RBM44: variants seen among roughly 807,000 people sequenced by gnomAD.
The protein encoded by RBM44 is RNA-binding protein 44.
RBM44 carries 66 observed loss-of-function variants against 105.1 expected under a neutral mutation model. That is an observed-to-expected ratio of 0.63 (90% CI 0.52 to 0.77). RBM44 has a LOEUF of 0.77. RBM44 is among the 30% of genes least tolerant of loss of function. The pLI, the probability that RBM44 is intolerant of heterozygous loss-of-function variation, is 0.00. For missense variants in RBM44, 1,122 were observed against 1,207.8 expected, an observed-to-expected ratio of 0.93 and a Z score of 1.05; for synonymous variants, 365 against 417.6, an observed-to-expected ratio of 0.87 and a Z score of 1.54.
At chr2:237,820,859 G>A (rs891970958) in intron 5 of RBM44, 51 of 421,426 alleles carry the variant, frequency 1.2e-4, no homozygotes, top group Middle Eastern at 1.2e-3. Context: ...ACCAATGTGG[G>A]CAACATAATA....
rs549578171 is a variant in RBM44 at position 237,841,437 on chromosome 2, G to T, written c.*23-402G>T. Among the ~76,000 whole-genome samples the T allele has an allele frequency of 1.2e-4, 19 of 152,286 alleles. No homozygotes were observed. Among genetic ancestry groups the T allele is most frequent in the Admixed American group, 3.3e-4 (5 of 15,292 alleles). The stretch of plus-strand genomic sequence containing the variant: ...CTTAATGTTAGACGGTAGGAGGAGG[G>T]TGAGGATCAAAACACTACCTATCTG... On this transcript the variant is annotated intron_variant, in intron 15 of 15. Transcript: ENST00000316997. This position sits in a 1 kb window ranked among gnomAD's most constrained non-coding sequence, Gnocchi z 4.5.
intron 8 of RBM44, among the ~76,000 whole-genome samples, chr2:237,823,069 A>G (rs2150982672): frequency 6.6e-6 from 1 of 151,960 alleles, no homozygotes; most frequent in South Asian, 2.1e-4. Flanking sequence ...CATACGCTAA[A>G]TTAAATATAT....
chr2:237,815,403 A>G (rs1371894516), intron 2 of RBM44, among the ~76,000 whole-genome samples: 1 of 151,872 alleles, frequency 6.6e-6, no homozygotes, highest in African/African-American at 2.4e-5. Flanking sequence ...TTTCCCTTCT[A>G]CCTTCTAATC....
intron 1 of RBM44, 145 bp downstream of exon 1, chr2:237,799,006 T>A (rs2061515700): frequency 6.6e-6 from 1 of 152,104 alleles, no homozygotes; most frequent in Non-Finnish European, 1.5e-5. Context: ...ACGCGGGGAC[T>A]CCGAACGGCG....
At chr2:237,802,722 C>T (rs926614270) in intron 1 of RBM44, among the ~76,000 whole-genome samples, 4 of 152,194 alleles carry the variant, frequency 2.6e-5, no homozygotes, top group African/African-American at 7.2e-5. Context: ...CTGTCCTCAA[C>T]ACTTAACATA....
chr2:237,827,381 A>C (rs2061858440), intron 11 of RBM44, 52 bp downstream of exon 11: 1 of 1,458,070 alleles, frequency 6.9e-7, no homozygotes, highest in African/African-American at 1.4e-5. Context: ...TTAGTTGTTC[A>C]TATTTGTTGT....
chr2:237,799,507 G>A (rs1037867661), intron 1 of RBM44: 8 of 152,262 alleles, frequency 5.3e-5, no homozygotes, highest in African/African-American at 1.9e-4. Flanking sequence ...TGTTAGCCGG[G>A]ATGGTCTCGA....
At chr2:237,815,167 A>C (rs756909090) in intron 2 of RBM44, among the ~76,000 whole-genome samples, 1 of 152,206 alleles carries the variant, frequency 6.6e-6, no homozygotes, top group Non-Finnish European at 1.5e-5. Context: ...TTAAAAATTA[A>C]AAGATAAGCA....
chr2:237,810,631 AAGG>A (rs2061649626), intron 1 of RBM44, among the ~76,000 whole-genome samples: 1 of 152,246 alleles, frequency 6.6e-6, no homozygotes, highest in Non-Finnish European at 1.5e-5. Context: ...GGCATTGAGC[AAGG>A]AGGAGGGAGG....
chr2:237,828,948 G>A (rs1215928875), intron 12 of RBM44, among the ~76,000 whole-genome samples: 5 of 152,072 alleles, frequency 3.3e-5, no homozygotes, highest in East Asian at 3.9e-4. Flanking sequence ...TATTAGCTTC[G>A]CAAATATTTT....
chr2:237,821,936 T>C, intron 8 of RBM44, 109 bp downstream of exon 8: 1 of 683,606 alleles, frequency 1.5e-6, no homozygotes. Context: ...TCAACTGGCT[T>C]ACTTTGTGTA....
intron 5 of RBM44, 64 bp downstream of exon 5, chr2:237,820,415 G>C (rs944712039): frequency 1.7e-5 from 17 of 1,004,476 alleles, no homozygotes; most frequent in Non-Finnish European, 2.3e-5. Flanking sequence ...GTTTATTCTA[G>C]AGAGTTTCTC....
rs1315709108 is a variant in RBM44, at chr2:237,821,204, C to A, written c.2047C>A (p.Leu683Met). The stretch of plus-strand genomic sequence containing the variant: ...CATACCACTGGAAGAGCTGCCCCCA[C>A]TGTCACTAGAATCAAAATTATTATC... The part of the protein sequence containing the change: ...KGIPLEELPP[L>M]SLESKLLSTF... The change falls in exon 6 of 16, where the codon CTG becomes ATG. Residue 683 changes from leucine (L) to methionine (M), a missense_variant. This residue lies in a region of RBM44 where 918 missense variants were observed against 955.3 expected (regional missense o/e 0.96). Coordinates refer to ENST00000316997, the MANE Select transcript of RBM44 (RefSeq NM_001080504.3). 1 of 1,609,884 alleles carries A rather than the reference C, an allele frequency of 6.2e-7. No homozygotes were observed. The highest frequency in any genetic ancestry group is 1.7e-5 in the Admixed American group (1 of 59,288).
rs920065683 is a variant in RBM44, at chr2:237,835,220, C to G, written c.*22+797C>G. Among the ~76,000 whole-genome samples the G allele has an allele frequency of 5.3e-5, 8 of 152,284 alleles. 1 individual carries two copies. Among genetic ancestry groups the G allele is most frequent in the Admixed American group, 5.2e-4 (8 of 15,288 alleles). On this transcript the variant is annotated intron_variant, in intron 15 of 15. Transcript: ENST00000316997. ...GTGTTCTGACGACTCCACTCACTGG[C>G]TGTTTCCCCATCTCTTTCCCTCTCT...
intron 1 of RBM44, among the ~76,000 whole-genome samples, 159 bp downstream of exon 1, chr2:237,799,020 T>C (rs2150962658): frequency 6.6e-6 from 1 of 152,084 alleles, no homozygotes; most frequent in East Asian, 1.9e-4. Flanking sequence ...AACGGCGGTG[T>C]AGGCGAGGCC....
At chr2:237,825,809 A>G (rs965172331) in intron 10 of RBM44, among the ~76,000 whole-genome samples, 1 of 152,130 alleles carries the variant, frequency 6.6e-6, no homozygotes, top group Non-Finnish European at 1.5e-5. Flanking sequence ...GTAGCTCATT[A>G]TTCCCTCCTC....
intron 1 of RBM44, among the ~76,000 whole-genome samples, chr2:237,810,608 A>G (rs2061649180): frequency 6.6e-6 from 1 of 152,212 alleles, no homozygotes. Context: ...AAGAGAAAAG[A>G]TTTATTTGCA....
chr2:237,831,424 G>A (rs1406944830), intron 13 of RBM44, among the ~76,000 whole-genome samples: 2 of 152,010 alleles, frequency 1.3e-5, no homozygotes, highest in Non-Finnish European at 2.9e-5. Context: ...GGGATTATAG[G>A]AAGCTACTAC....
chr2:237,829,514 T>C lies in RBM44; in HGVS notation c.2886+12T>C. On this transcript the variant is annotated intron_variant, in intron 13 of 15. Coordinates refer to ENST00000316997, the MANE Select transcript of RBM44 (RefSeq NM_001080504.3). ...TCCCTTCCGACCAGGTTAGTGTTTT[T>C]GATAGATCCCTTAAATGGTCTTTGT... The C allele has an allele frequency of 6.3e-7, 1 of 1,598,820 alleles. No homozygotes were observed. Among genetic ancestry groups the C allele is most frequent in the South Asian group, 1.1e-5 (1 of 88,452 alleles).
Sources: gnomAD v4.1 joint callset for allele counts (sites outside exome capture counted in the v4.1 genomes callset) on GRCh38, gnomAD v4.1.1 for gene constraint, gnomAD v4.1.1 regional missense constraint, Gnocchi (gnomAD v3.1) non-coding constraint, MANE v1.5 for transcripts, NCBI Gene and HGNC (gene_info 2026-07-23, HGNC 2026-07-21) for gene names.